The following GMDS variants were observed in gnomAD, a reference collection of about 807,000 sequenced individuals.
GMDS encodes the protein GDP-mannose 4,6 dehydratase.
In GMDS, 20 loss-of-function variants were observed where a neutral mutation model predicts 49.9. The observed-to-expected ratio is 0.40, with a 90% confidence interval of 0.28 to 0.58. GMDS has a LOEUF of 0.58. GMDS is among the 20% of genes least tolerant of loss of function. The pLI is 0.42. For missense variants in GMDS, 362 were observed against 481.4 expected (o/e 0.75, Z 2.32); for synonymous variants, 177 against 178.6 (o/e 0.99, Z 0.07).
chr6:1,746,425 G>A (rs567414356), intron 7 of GMDS, among the ~76,000 whole-genome samples: 6 of 152,294 alleles, frequency 3.9e-5, no homozygotes, highest in Admixed American at 2.6e-4. Flanking sequence ...GTTAAGGAAT[G>A]TGCCAGGGCT....
chr6:1,871,058 GCACACACACA>G lies in GMDS; in HGVS notation c.771+59035_771+59044del, dbSNP rs3839602. Among the ~76,000 whole-genome samples the G allele has an allele frequency of 4.8e-5, 7 of 147,112 alleles. No homozygotes were observed. In the South Asian group the frequency reaches 6.6e-4, roughly 14 times the overall value. On this transcript the variant is annotated intron_variant, in intron 7 of 10. Transcript: ENST00000380815. ...CACCCATCCATATCACTATCCCCCA[GCACACACACA>G]CACACACACACACACACACTTAAAC...
chr6:2,219,049 A>G (rs1581813636), intron 1 of GMDS, among the ~76,000 whole-genome samples: 2 of 152,148 alleles, frequency 1.3e-5, no homozygotes, highest in Admixed American at 1.3e-4. Flanking sequence ...GTGAGCTACG[A>G]TCATACCACT....
At chr6:1,837,906 G>T (rs1347296544) in intron 7 of GMDS, among the ~76,000 whole-genome samples, 3 of 152,246 alleles carry the variant, frequency 2.0e-5, no homozygotes, top group African/African-American at 7.2e-5. Flanking sequence ...AGGACTAGGG[G>T]GACACTGCTC....
intron 7 of GMDS, among the ~76,000 whole-genome samples, chr6:1,882,332 A>G (rs897277241): frequency 6.6e-6 from 1 of 152,226 alleles, no homozygotes; most frequent in Admixed American, 6.5e-5. Context: ...TTGCTTAGAA[A>G]TGCAAATATT....
chr6:1,772,033 G>C (rs1270067049), intron 7 of GMDS, among the ~76,000 whole-genome samples: 2 of 152,206 alleles, frequency 1.3e-5, no homozygotes, highest in African/African-American at 4.8e-5. Context: ...GCGGAAACCT[G>C]TAGCCTTACT....
Position 2,097,585 on chromosome 6 carries a change from T to C in GMDS, c.345+18186A>G, listed in dbSNP as rs1773681424. Among the ~76,000 whole-genome samples the C allele has an allele frequency of 2.0e-5, 3 of 152,154 alleles. No individual in the cohort carries two copies. In the South Asian group the frequency reaches 6.2e-4, roughly 31 times the overall value. On this transcript the variant is annotated intron_variant, in intron 4 of 10. Coordinates refer to ENST00000380815, the MANE Select transcript of GMDS (RefSeq NM_001500.4). ...ATGCTAGTGGCCCTTGACAAATGCC[T>C]GAAATCTTTGCCATCATTATTACAC...
chr6:1,625,615 T>C (rs1762829892), intron 9 of GMDS: 2 of 152,240 alleles, frequency 1.3e-5, no homozygotes, highest in Admixed American at 6.5e-5. Context: ...ACCAATGTCT[T>C]TCTTACAGCT....
At chr6:2,147,463 T>C (rs1296361363) in intron 1 of GMDS, among the ~76,000 whole-genome samples, 1 of 152,070 alleles carries the variant, frequency 6.6e-6, no homozygotes, top group African/African-American at 2.4e-5. Flanking sequence ...AGTGATTTGG[T>C]CCAAAAGGAT....
intron 4 of GMDS, among the ~76,000 whole-genome samples, chr6:2,103,123 C>T (rs1030906917): frequency 3.3e-5 from 5 of 152,128 alleles, no homozygotes; most frequent in Non-Finnish European, 5.9e-5. Flanking sequence ...AACATTGAGG[C>T]CCATTACAGT....
intron 1 of GMDS, among the ~76,000 whole-genome samples, chr6:2,183,184 T>C (rs1156306836): frequency 6.6e-6 from 1 of 152,170 alleles, no homozygotes; most frequent in Non-Finnish European, 1.5e-5. Context: ...ATTTAAGAAA[T>C]GCATTTTTCT....
At chr6:2,146,719 A>AT (rs1776578459) in intron 1 of GMDS, among the ~76,000 whole-genome samples, 1 of 152,042 alleles carries the variant, frequency 6.6e-6, no homozygotes, top group African/African-American at 2.4e-5. Flanking sequence ...GGGATGTTTG[A>AT]TTTTTTTCTT....
intron 8 of GMDS, among the ~76,000 whole-genome samples, chr6:1,742,091 T>G (rs1767296000): frequency 6.6e-6 from 1 of 151,610 alleles, no homozygotes; most frequent in Admixed American, 6.6e-5. Flanking sequence ...CCAGCTAATT[T>G]TTGTAGTTGT....
chr6:2,163,566 G>T (rs767420390), intron 1 of GMDS, among the ~76,000 whole-genome samples: 1 of 152,166 alleles, frequency 6.6e-6, no homozygotes, highest in African/African-American at 2.4e-5. Context: ...CATGAAAGCT[G>T]ACAGGTTCAA....
At chr6:2,111,123 C>T (rs1312215395) in intron 4 of GMDS, among the ~76,000 whole-genome samples, 4 of 152,048 alleles carry the variant, frequency 2.6e-5, no homozygotes, top group South Asian at 2.1e-4. Flanking sequence ...ACATGGGGGA[C>T]GAATCGAAAA....
intron 4 of GMDS, among the ~76,000 whole-genome samples, chr6:2,035,847 C>T (rs187127082): frequency 2.3e-3 from 355 of 152,042 alleles, no homozygotes; most frequent in Non-Finnish European, 3.8e-3. Context: ...CCACCATGCC[C>T]GGCTAATTTT....
intron 4 of GMDS, among the ~76,000 whole-genome samples, chr6:2,078,566 G>A (rs987380830): frequency 5.3e-5 from 8 of 152,012 alleles, no homozygotes; most frequent in East Asian, 1.9e-4. Flanking sequence ...CCATACATCC[G>A]TATAGTTTCC....
chr6:2,032,411 T>G (rs1267237900), intron 4 of GMDS, among the ~76,000 whole-genome samples: 1 of 152,214 alleles, frequency 6.6e-6, no homozygotes, highest in African/African-American at 2.4e-5. Flanking sequence ...CAGAATTTCA[T>G]GGATATAATT....
chr6:1,966,493 G>A (rs1332749399), intron 4 of GMDS, among the ~76,000 whole-genome samples: 1 of 151,978 alleles, frequency 6.6e-6, no homozygotes. Flanking sequence ...TTGGCATCAA[G>A]TCTCCAGGCT....
intron 7 of GMDS, among the ~76,000 whole-genome samples, chr6:1,819,054 A>T (rs966028247): frequency 6.6e-6 from 1 of 151,990 alleles, no homozygotes; most frequent in African/African-American, 2.4e-5. Context: ...ACATACACAC[A>T]CTCTCACACA....
Sources: allele counts gnomAD v4.1 joint callset (sites outside exome capture counted in the v4.1 genomes callset), GRCh38; gene constraint gnomAD v4.1.1; transcripts MANE v1.5; gene names NCBI Gene and HGNC (gene_info 2026-07-23, HGNC 2026-07-21).